Variants in TGFB1 observed in about 807,000 individuals in gnomAD.
TGFB1 encodes transforming growth factor beta-1 proprotein.
TGFB1 carries 19 observed loss-of-function variants against 43.8 expected under a neutral mutation model. That is an observed-to-expected ratio of 0.43 (90% confidence interval 0.30 to 0.64). TGFB1 has a LOEUF of 0.64. Among genes scored for constraint, TGFB1 ranks in the 30% least tolerant of loss-of-function variants. TGFB1 has a pLI of 0.11. For missense variants in TGFB1, 445 were observed against 529.8 expected, an observed-to-expected ratio of 0.84 and a Z score of 1.57; for synonymous variants, 221 against 236.3, an observed-to-expected ratio of 0.94 and a Z score of 0.60.
chr19:41,336,701 ATC>A (rs2037992198), intron 5 of TGFB1, among the ~76,000 whole-genome samples: 1 of 152,012 alleles, frequency 6.6e-6, no homozygotes, highest in Non-Finnish European at 1.5e-5. Context: ...ACAATGGTTT[ATC>A]TCAAAGCACA....
At chr19:41,343,145 T>G (rs1238049608) in intron 3 of TGFB1, among the ~76,000 whole-genome samples, 1 of 150,640 alleles carries the variant, frequency 6.6e-6, no homozygotes, top group Non-Finnish European at 1.5e-5. Context: ...TTTTCTTTTT[T>G]TTTTTTGAGA....
Position 41,331,218 on chromosome 19 carries a change from C to G in TGFB1, c.1015-8G>C. The stretch of plus-strand genomic sequence containing the variant: ...GTTGTACAGGGCCAGGACCTGCGGG[C>G]GGCGGGCGGGGTCAGGGCTCAGGGC... On this transcript the variant is annotated splice_region_variant and splice_polypyrimidine_tract_variant and intron_variant, in intron 6 of 6. Coordinates refer to ENST00000221930, the MANE Select transcript of TGFB1 (RefSeq NM_000660.7). The G allele has an allele frequency of 6.6e-7, 1 of 1,508,234 alleles. No homozygotes were observed. The highest frequency in any genetic ancestry group is 8.9e-7 in the Non-Finnish European group (1 of 1,128,286). The allele number at this position is 1,508,234 out of a possible 1,614,324, so 93.4% of individuals were successfully genotyped here.
intron 5 of TGFB1, 131 bp downstream of exon 5, chr19:41,341,752 C>T (rs1413666049): frequency 3.2e-6 from 4 of 1,235,198 alleles, no homozygotes; most frequent in African/African-American, 1.5e-5. Context: ...CCCCTGAGCC[C>T]TCCAAGCTAA....
At chr19:41,340,833 T>C (rs1436217426) in intron 5 of TGFB1, among the ~76,000 whole-genome samples, 1 of 152,158 alleles carries the variant, frequency 6.6e-6, no homozygotes, top group Non-Finnish European at 1.5e-5. Context: ...AATCCCCAAA[T>C]TCTAGGATTC....
intron 5 of TGFB1, among the ~76,000 whole-genome samples, chr19:41,341,522 A>T (rs2038055724): frequency 6.8e-6 from 1 of 147,566 alleles, no homozygotes. Context: ...CAAGACTCCC[A>T]GTTCTTTTTT....
At chr19:41,337,618 C>G (rs927189271) in intron 5 of TGFB1, among the ~76,000 whole-genome samples, 1 of 152,094 alleles carries the variant, frequency 6.6e-6, no homozygotes, top group Non-Finnish European at 1.5e-5. Context: ...TCATCTCTCT[C>G]TCTCTCTGTA....
chr19:41,331,989 C>A, intron 6 of TGFB1, 139 bp downstream of exon 6: 3 of 1,204,898 alleles, frequency 2.5e-6, no homozygotes, highest in Non-Finnish European at 3.5e-6. Context: ...TCTCTTTATT[C>A]ATTCCCCTCC....
Position 41,332,740 on chromosome 19 carries a change from A to G in TGFB1, c.861-459T>C, listed in dbSNP as rs140084178. 5.4e-3 allele frequency among the ~76,000 whole-genome samples: 818 copies of G among 152,328 alleles called. 3 individuals are homozygous for G. Among genetic ancestry groups the G allele is most frequent in the African/African-American group, 0.019 (777 of 41,562 alleles). ...AGAAATAGGCTAGGCATGGTGGCTCACACCTTTAATCCCAGCACTTTGGGA... is the reference window on the plus strand; with the variant it reads ...AGAAATAGGCTAGGCATGGTGGCTCGCACCTTTAATCCCAGCACTTTGGGA... On this transcript the variant is annotated intron_variant, in intron 5 of 6. Transcript: ENST00000221930.
intron 5 of TGFB1, among the ~76,000 whole-genome samples, chr19:41,341,218 G>A (rs1817681361): frequency 6.6e-6 from 1 of 152,040 alleles, no homozygotes; most frequent in African/African-American, 2.4e-5. Flanking sequence ...TGTAATCCCA[G>A]CACTTTGGGA....
rs539690559 is a variant in TGFB1 at position 41,353,059 on chromosome 19, C to T, written c.-15G>A. 8 of 1,514,694 alleles carry T rather than the reference C, an allele frequency of 5.3e-6. No homozygotes were observed. In the African/African-American group the frequency reaches 1.1e-4, roughly 21 times the overall value. The allele number at this position is 1,514,694 out of a possible 1,614,324, so 93.8% of individuals were successfully genotyped here. ...GAGGGCGGCATGGGGGAGGCGGCGC[C>T]CCCCGGCACTGCCGAGAGCGCGAAC... On this transcript the variant is annotated 5_prime_UTR_variant, in exon 1 of 7. Coordinates refer to ENST00000221930, the MANE Select transcript of TGFB1 (RefSeq NM_000660.7). This position sits in a 1 kb window ranked among gnomAD's most constrained non-coding sequence, Gnocchi z 5.9.
chr19:41,343,200 T>A (rs1490067906), intron 3 of TGFB1, among the ~76,000 whole-genome samples: 1 of 150,832 alleles, frequency 6.6e-6, no homozygotes, highest in East Asian at 2.0e-4. Flanking sequence ...AATGGCACGA[T>A]CTTGGCTCAC....
chr19:41,336,509 C>T (rs929049060), intron 5 of TGFB1, among the ~76,000 whole-genome samples: 4 of 151,928 alleles, frequency 2.6e-5, no homozygotes, highest in African/African-American at 4.8e-5. Context: ...CCTCAGCCTC[C>T]TGAGTAGCTG....
intron 4 of TGFB1, 41 bp downstream of exon 4, chr19:41,342,129 C>G (rs200772438): frequency 3.7e-6 from 6 of 1,611,792 alleles, no homozygotes; most frequent in Non-Finnish European, 5.1e-6. Context: ...CACACACGCA[C>G]ACACGTCACA....
At chr19:41,340,842 T>C (rs749815523) in intron 5 of TGFB1, among the ~76,000 whole-genome samples, 5 of 152,178 alleles carry the variant, frequency 3.3e-5, no homozygotes, top group Non-Finnish European at 7.3e-5. Flanking sequence ...ATTCTAGGAT[T>C]CCAATGTTTC....
intron 5 of TGFB1, among the ~76,000 whole-genome samples, chr19:41,341,617 C>T (rs1343714137): frequency 6.6e-6 from 1 of 151,992 alleles, no homozygotes; most frequent in Non-Finnish European, 1.5e-5. Context: ...ACCATGTTGG[C>T]CAGACAGGTC....
intron 2 of TGFB1, among the ~76,000 whole-genome samples, chr19:41,348,032 T>G (rs1022691015): frequency 1.1e-4 from 17 of 151,234 alleles, no homozygotes; most frequent in Admixed American, 8.6e-4. Context: ...CTTGGGAGGC[T>G]GAGGCAGGAG....
intron 1 of TGFB1, among the ~76,000 whole-genome samples, chr19:41,349,523 G>A (rs541814799): frequency 1.6e-4 from 25 of 152,304 alleles, no homozygotes; most frequent in Middle Eastern, 6.8e-3. Flanking sequence ...TTGGGAGGCC[G>A]AGGTGGATTG....
At chr19:41,340,423 AG>A (rs1184933689) in intron 5 of TGFB1, among the ~76,000 whole-genome samples, 1 of 151,890 alleles carries the variant, frequency 6.6e-6, no homozygotes, top group East Asian at 1.9e-4. Flanking sequence ...CTGGGATTAC[AG>A]GTGCCAGCCA....
At chr19:41,331,253 G>T in intron 6 of TGFB1, 43 bp from the exon 7 acceptor site, 4 of 1,465,832 alleles carry the variant, frequency 2.7e-6, no homozygotes, top group Non-Finnish European at 3.6e-6. Context: ...CTCGTGGAGG[G>T]AGGAAAACGG....
Sources: allele counts gnomAD v4.1 joint callset (sites outside exome capture counted in the v4.1 genomes callset), GRCh38; gene constraint gnomAD v4.1.1; non-coding constraint Gnocchi (gnomAD v3.1); transcripts MANE v1.5; gene names NCBI Gene and HGNC (gene_info 2026-07-23, HGNC 2026-07-21).